The following SDK1 variants were observed in gnomAD, a reference collection of about 807,000 sequenced individuals.
The protein encoded by SDK1 is protein sidekick-1.
A neutral mutation model predicts 245.5 loss-of-function variants in SDK1; 157 were observed. That is an observed-to-expected ratio of 0.64 (90% CI 0.56 to 0.73). The LOEUF (loss-of-function observed/expected upper bound fraction) is 0.73. SDK1 is among the 30% of genes least tolerant of loss of function. SDK1 has a pLI of 0.00. For missense variants in SDK1, 3,583 were observed against 3,002.3 expected (o/e 1.19, Z -4.52); for synonymous variants, 1,647 against 1,278.5 (o/e 1.29, Z -6.15).
chr7:3,301,664 G>A lies in SDK1; in HGVS notation c.78G>A (p.Gly26=), dbSNP rs2128539247. The A allele has an allele frequency of 1.0e-6, 1 of 976,066 alleles. No individual in the cohort carries two copies. Among genetic ancestry groups the A allele is most frequent in the Non-Finnish European group, 1.2e-6 (1 of 825,716 alleles). 60.5% of individuals were successfully genotyped at this position (976,066 alleles called of 1,614,324 possible). A position where few individuals can be genotyped will look rare whatever the true frequency, so the allele number is the denominator to read the frequency against. ...AGCCCCCTGAGCGCGCGGGCCCCGG[G>A]CGGCCGCGGGGATCCCCGCCCGGCC... is the stretch of plus-strand genomic sequence containing the variant. The part of the protein sequence containing the change: ...GAEPPERAGP[G]RPRGSPPGRA... The change falls in exon 1 of 45, where the codon GGG becomes GGA. Residue 26 remains glycine (G), a synonymous_variant. Transcript: ENST00000404826.
chr7:3,560,382 GTTGA>G (rs1344671560), intron 1 of SDK1, among the ~76,000 whole-genome samples: 1 of 151,314 alleles, frequency 6.6e-6, no homozygotes. Context: ...TGTTTTTCCA[GTTGA>G]TTGAGAAAAA....
rs907795033 is a variant in SDK1 at position 4,265,863 on chromosome 7, C to G, written c.*479C>G. 41 of 988,816 alleles carry G rather than the reference C, an allele frequency of 4.1e-5. No homozygotes were observed. The highest frequency in any genetic ancestry group is 4.9e-5 in the Non-Finnish European group (41 of 832,606). The allele number at this position is 988,816 out of a possible 1,614,324, so 61.3% of individuals were successfully genotyped here. A position where few individuals can be genotyped will look rare whatever the true frequency, so the allele number is the denominator to read the frequency against. On this transcript the variant is annotated 3_prime_UTR_variant, in exon 45 of 45. Coordinates refer to ENST00000404826, the MANE Select transcript of SDK1 (RefSeq NM_152744.4). ...CAACGCAGGACATCCTCGGCGGCTC[C>G]TGGGGTTTGAAGAGCAAACGTTTTT... is the stretch of plus-strand genomic sequence containing the variant.
At chr7:3,604,152 G>A (rs910739123) in intron 1 of SDK1, among the ~76,000 whole-genome samples, 1 of 152,072 alleles carries the variant, frequency 6.6e-6, no homozygotes, top group African/African-American at 2.4e-5. Flanking sequence ...CTCTTTTTTG[G>A]TTGTGTCTCT....
chr7:3,544,701 G>A (rs1225847508), intron 1 of SDK1, among the ~76,000 whole-genome samples: 1 of 152,208 alleles, frequency 6.6e-6, no homozygotes, highest in African/African-American at 2.4e-5. Context: ...ACTAGGATAT[G>A]CTACAGCACT....
chr7:3,624,220 A>C (rs1226871326), intron 2 of SDK1, among the ~76,000 whole-genome samples: 1 of 152,166 alleles, frequency 6.6e-6, no homozygotes, highest in Non-Finnish European at 1.5e-5. Context: ...TTTTGCTGAG[A>C]TAGGGTCTCA....
chr7:3,761,172 C>T (rs1780085276), intron 4 of SDK1, among the ~76,000 whole-genome samples: 1 of 150,870 alleles, frequency 6.6e-6, no homozygotes, highest in Non-Finnish European at 1.5e-5. Flanking sequence ...TGTGGATTGC[C>T]AAGTTGCATA....
At chr7:3,741,696 C>G (rs1779478960) in intron 4 of SDK1, among the ~76,000 whole-genome samples, 1 of 152,106 alleles carries the variant, frequency 6.6e-6, no homozygotes, top group African/African-American at 2.4e-5. Flanking sequence ...CTCCATATCA[C>G]TGACTCTTCA....
At chr7:3,591,376 G>A (rs963733231) in intron 1 of SDK1, among the ~76,000 whole-genome samples, 5 of 152,218 alleles carry the variant, frequency 3.3e-5, no homozygotes, top group African/African-American at 1.2e-4. Flanking sequence ...ACTTTCATCT[G>A]ATTGACCTGG....
intron 1 of SDK1, among the ~76,000 whole-genome samples, chr7:3,392,182 A>G (rs1183951807): frequency 1.2e-4 from 18 of 152,128 alleles, no homozygotes; most frequent in Admixed American, 2.6e-4. Flanking sequence ...GACATTTTCA[A>G]ACTTTACAGA....
chr7:3,989,133 A>G (rs556795483), intron 14 of SDK1, among the ~76,000 whole-genome samples: 1 of 152,326 alleles, frequency 6.6e-6, no homozygotes, highest in Non-Finnish European at 1.5e-5. Flanking sequence ...TCACACTGCC[A>G]ATAAAGACAC....
At chr7:3,826,272 G>A (rs547684091) in intron 5 of SDK1, among the ~76,000 whole-genome samples, 1 of 152,288 alleles carries the variant, frequency 6.6e-6, no homozygotes, top group South Asian at 2.1e-4. Flanking sequence ...ACAGAAGAGA[G>A]GACGGGAATC....
intron 19 of SDK1, among the ~76,000 whole-genome samples, chr7:4,052,330 C>T (rs1333115449): frequency 2.0e-5 from 3 of 151,974 alleles, no homozygotes; most frequent in Middle Eastern, 3.2e-3. Context: ...ATCTGGAAAA[C>T]GTTAGCTAAT....
chr7:4,189,521 CAGAAG>C (rs1187066028), intron 35 of SDK1, among the ~76,000 whole-genome samples: 1 of 152,190 alleles, frequency 6.6e-6, no homozygotes, highest in Non-Finnish European at 1.5e-5. Context: ...TCACCAAAAA[CAGAAG>C]ACAGACAGAT....
chr7:4,019,426 G>T lies in SDK1; in HGVS notation c.2602+2074G>T, dbSNP rs149841744. ...TGGCGAGGGACTGTGCTTAGCTAGT[G>T]GGCTGGGGTGCAGGGTTCCCCTAAG... On this transcript the variant is annotated intron_variant, in intron 17 of 44. Coordinates refer to ENST00000404826, the MANE Select transcript of SDK1 (RefSeq NM_152744.4). Among the ~76,000 whole-genome samples, 1,201 of 152,234 alleles carry T rather than the reference G, an allele frequency of 7.9e-3. 17 individuals carry two copies. The highest frequency in any genetic ancestry group is 0.027 in the African/African-American group (1,137 of 41,534).
intron 31 of SDK1, among the ~76,000 whole-genome samples, chr7:4,160,584 C>T (rs925124147): frequency 4.6e-5 from 7 of 152,188 alleles, no homozygotes; most frequent in African/African-American, 1.7e-4. Flanking sequence ...GGGGAACCCT[C>T]GGCAAGATAG....
At chr7:3,680,959 C>T (rs1784081137) in intron 4 of SDK1, among the ~76,000 whole-genome samples, 3 of 152,186 alleles carry the variant, frequency 2.0e-5, no homozygotes, top group Admixed American at 2.0e-4. Flanking sequence ...TCTCCTGCCT[C>T]AGCCTCCGGA....
At chr7:3,711,750 C>T (rs1313829455) in intron 4 of SDK1, among the ~76,000 whole-genome samples, 2 of 152,074 alleles carry the variant, frequency 1.3e-5, no homozygotes, top group Non-Finnish European at 2.9e-5. Flanking sequence ...CCAGATCCTG[C>T]AGGCCCTGGA....
intron 5 of SDK1, among the ~76,000 whole-genome samples, chr7:3,869,549 A>G (rs112286177): frequency 6.6e-6 from 1 of 152,204 alleles, no homozygotes; most frequent in Non-Finnish European, 1.5e-5. Context: ...GGCTTCCTGC[A>G]GCGGCCACCC....
At chr7:4,128,287 C>T (rs999485214) in intron 26 of SDK1, among the ~76,000 whole-genome samples, 1 of 152,248 alleles carries the variant, frequency 6.6e-6, no homozygotes, top group East Asian at 1.9e-4. Flanking sequence ...TCCCCGCCTG[C>T]TCTCCCATGT....
Sources: allele counts gnomAD v4.1 joint callset (sites outside exome capture counted in the v4.1 genomes callset), GRCh38; gene constraint gnomAD v4.1.1; transcripts MANE v1.5; gene names NCBI Gene and HGNC (gene_info 2026-07-23, HGNC 2026-07-21).